ERICH6: variants seen among roughly 807,000 people sequenced by gnomAD.
The protein encoded by ERICH6 is glutamate-rich protein 6.
In ERICH6, 71 loss-of-function variants were observed where a neutral mutation model predicts 71.0. The ratio of observed to expected loss-of-function variants is 1.00; its 90% confidence interval spans 0.83 to 1.22. ERICH6 has a LOEUF of 1.22. Ranked by LOEUF, ERICH6 falls within the 50% of genes most tolerant of loss-of-function variation. The probability of loss-of-function intolerance (pLI) is 0.00; values close to 1 mark genes in which losing one functional copy is unlikely to be tolerated. For synonymous variants in ERICH6, 262 were observed against 278.4 expected (o/e 0.94, Z 0.59); for missense variants, 808 against 797.2 (o/e 1.01, Z -0.16).
intron 13 of ERICH6, among the ~76,000 whole-genome samples, chr3:150,663,329 A>G (rs915253355): frequency 6.6e-6 from 1 of 152,236 alleles, no homozygotes; most frequent in African/African-American, 2.4e-5. Context: ...ACTGTGAAAC[A>G]GCGTTTAGAG....
intron 10 of ERICH6, among the ~76,000 whole-genome samples, chr3:150,677,267 A>C (rs1304042362): frequency 1.3e-5 from 2 of 152,056 alleles, no homozygotes; most frequent in Non-Finnish European, 2.9e-5. Context: ...TATATCTCCC[A>C]AGTTAAACAA....
chr3:150,674,959 CCT>C (rs1711598717), intron 10 of ERICH6, among the ~76,000 whole-genome samples: 2 of 152,018 alleles, frequency 1.3e-5, no homozygotes, highest in Admixed American at 6.6e-5. Context: ...ATGGTGAAAC[CCT>C]GTCTTCACTA....
chr3:150,660,646 C>T (rs1727187179), intron 13 of ERICH6, among the ~76,000 whole-genome samples: 2 of 152,224 alleles, frequency 1.3e-5, no homozygotes, highest in Non-Finnish European at 2.9e-5. Context: ...CCTTACTCTT[C>T]TTTGGCCTCT....
At chr3:150,661,469 G>A (rs1223308173) in intron 13 of ERICH6, among the ~76,000 whole-genome samples, 5 of 152,104 alleles carry the variant, frequency 3.3e-5, no homozygotes, top group South Asian at 2.1e-4. Flanking sequence ...GAGAATCACC[G>A]AATATTTGAC....
At chr3:150,682,887 A>G (rs539104929) in intron 6 of ERICH6, among the ~76,000 whole-genome samples, 1 of 152,258 alleles carries the variant, frequency 6.6e-6, no homozygotes, top group Non-Finnish European at 1.5e-5. Flanking sequence ...GTAATTCAGG[A>G]CAGGGAGGAG....
intron 10 of ERICH6, among the ~76,000 whole-genome samples, chr3:150,674,474 T>G (rs1711573676): frequency 6.6e-6 from 1 of 152,208 alleles, no homozygotes; most frequent in Admixed American, 6.5e-5. Flanking sequence ...TATACTGCCT[T>G]AATTACTATA....
intron 3 of ERICH6, among the ~76,000 whole-genome samples, chr3:150,688,357 C>T (rs1712281922): frequency 6.6e-6 from 1 of 151,950 alleles, no homozygotes; most frequent in East Asian, 1.9e-4. Flanking sequence ...CAAGAACAAC[C>T]CCGATATGTC....
intron 1 of ERICH6, 92 bp from the exon 2 acceptor site, chr3:150,702,270 CTTTTTTTT>C (rs63679260): frequency 1.6e-4 from 26 of 163,902 alleles, no homozygotes; most frequent in Admixed American, 2.6e-4. Context: ...TGTCTGGAGA[CTTTTTTTT>C]TTTTTTTTTT....
intron 12 of ERICH6, among the ~76,000 whole-genome samples, chr3:150,669,063 C>T (rs1711496465): frequency 1.3e-5 from 2 of 152,032 alleles, no homozygotes; most frequent in Non-Finnish European, 2.9e-5. Context: ...TATATTCTTA[C>T]TATGTATAGA....
In ERICH6 at chr3:150,686,279, A is replaced by G. The variant is rs1295610486; in HGVS notation, c.610+19T>C. 1 of 1,613,378 alleles carries G rather than the reference A, an allele frequency of 6.2e-7. No homozygotes were observed. On this transcript the variant is annotated intron_variant, in intron 4 of 13. Coordinates refer to ENST00000295910, the MANE Select transcript of ERICH6 (RefSeq NM_152394.5). Reference sequence around the variant, plus strand: ...TTACCTTTGCCAGCAAAAGGAGATGATGCCAAACATGTATTTACCTCTTAA... The same window carrying G: ...TTACCTTTGCCAGCAAAAGGAGATGGTGCCAAACATGTATTTACCTCTTAA...
rs762216948 is a variant in ERICH6, at chr3:150,685,801, C to CGAT, written c.721_723dup (p.Ile241dup). 6.2e-7 allele frequency: 1 copy of CGAT among 1,613,900 alleles called. No homozygotes were observed. On this transcript the variant is annotated inframe_insertion, in exon 6 of 14. Coordinates refer to ENST00000295910, the MANE Select transcript of ERICH6 (RefSeq NM_152394.5). ...TTGTATGCCAGAATGGATGGTGGTC[C>CGAT]GATGCTGGGTAACGTTCTTAGAGAA... is the stretch of plus-strand genomic sequence containing the variant.
In ERICH6 at chr3:150,698,808, G is replaced by A; in HGVS notation, c.536C>T (p.Ser179Phe). 1 of 1,613,724 alleles carries A rather than the reference G, an allele frequency of 6.2e-7. No individual in the cohort carries two copies. Among genetic ancestry groups the A allele is most frequent in the Non-Finnish European group, 8.5e-7 (1 of 1,179,742 alleles). The change falls in exon 3 of 14, where the codon TCT (serine) becomes TTT (phenylalanine). Residue 179 changes from serine to phenylalanine, a missense_variant. Transcript: ENST00000295910. The part of the protein sequence containing the change: ...QTEESWLQDL[S>F]DKVQSRKKAS... Reference sequence around the variant, plus strand: ...CTACTCACTCGATTGCACTTTATCAGACAAATCTTGGAGCCAACTTTCTTC... The same window carrying A: ...CTACTCACTCGATTGCACTTTATCAAACAAATCTTGGAGCCAACTTTCTTC...
intron 2 of ERICH6, among the ~76,000 whole-genome samples, chr3:150,700,261 T>C (rs1034808025): frequency 6.8e-6 from 1 of 147,822 alleles, no homozygotes; most frequent in Non-Finnish European, 1.5e-5. Flanking sequence ...TTTTTTTTTT[T>C]TTTTTGTATT....
In ERICH6 at chr3:150,674,169, G is replaced by A. The variant is rs1711564415; in HGVS notation, c.1258-128C>T. 1.2e-5 allele frequency: 8 copies of A among 690,024 alleles called. No individual in the cohort carries two copies. In the South Asian group the frequency reaches 1.6e-4, roughly 14 times the overall value. 42.7% of individuals were successfully genotyped at this position (690,024 alleles called of 1,614,324 possible). On this transcript the variant is annotated intron_variant, in intron 10 of 13. Transcript: ENST00000295910. The stretch of plus-strand genomic sequence containing the variant: ...AATTATTAATTTAAATGTTGGCCCT[G>A]CTTCAACAACAGGAGACAACCCTTA...
At chr3:150,678,386 T>TA in intron 10 of ERICH6, 23 bp downstream of exon 10, 1 of 1,529,796 alleles carries the variant, frequency 6.5e-7, no homozygotes, top group South Asian at 1.3e-5. Context: ...AAATAGCAAG[T>TA]AAAAAAATTA....
intron 13 of ERICH6, among the ~76,000 whole-genome samples, chr3:150,666,254 T>C (rs1379162983): frequency 2.0e-5 from 3 of 152,228 alleles, no homozygotes; most frequent in Admixed American, 2.0e-4. Flanking sequence ...AGATTCTTCC[T>C]GTCAGGAGCT....
chr3:150,678,585 T>A (rs974804994), intron 9 of ERICH6, 31 bp from the exon 10 acceptor site: 1 of 1,524,918 alleles, frequency 6.6e-7, no homozygotes, highest in Non-Finnish European at 8.8e-7. Context: ...TAGAAATACA[T>A]ATATGTTTTA....
rs1182082061 is a variant in ERICH6, at chr3:150,669,176, T to C, written c.1499+120A>G. 10 of 1,116,580 alleles carry C rather than the reference T, an allele frequency of 9.0e-6. No individual in the cohort carries two copies. In the East Asian group the frequency reaches 2.3e-4, roughly 26 times the overall value. The allele number at this position is 1,116,580 out of a possible 1,614,324, so 69.2% of individuals were successfully genotyped here. ...AATGTCTCTGAGTTGAACATTACCA[T>C]CTAAAGAACACTAACTTAAATAAAT... is the stretch of plus-strand genomic sequence containing the variant. On this transcript the variant is annotated intron_variant, in intron 12 of 13. Coordinates refer to ENST00000295910, the MANE Select transcript of ERICH6 (RefSeq NM_152394.5).
chr3:150,661,140 C>G (rs1727210400), intron 13 of ERICH6, among the ~76,000 whole-genome samples: 1 of 152,072 alleles, frequency 6.6e-6, no homozygotes, highest in Non-Finnish European at 1.5e-5. Context: ...TTAAGGAATT[C>G]CTGAAAAATC....
Sources: gnomAD v4.1 joint callset for allele counts (sites outside exome capture counted in the v4.1 genomes callset) on GRCh38, gnomAD v4.1.1 for gene constraint, MANE v1.5 for transcripts, NCBI Gene and HGNC (gene_info 2026-07-23, HGNC 2026-07-21) for gene names.